The following CLSTN2 variants were observed in gnomAD, a reference collection of about 807,000 sequenced individuals.
CLSTN2 encodes the protein calsyntenin 2, also known as calsyntenin-2.
CLSTN2 carries 48 observed loss-of-function variants against 101.2 expected under a neutral mutation model. That is an observed-to-expected ratio of 0.47 (90% CI 0.38 to 0.60). The LOEUF is 0.60. Ranked by LOEUF, CLSTN2 falls within the 20% of genes least tolerant of loss-of-function variation. The probability of loss-of-function intolerance (pLI) is 0.00; values close to 1 mark genes in which losing one functional copy is unlikely to be tolerated. For missense variants in CLSTN2, 1,160 were observed against 1,238.2 expected (o/e 0.94, Z 0.95); for synonymous variants, 481 against 463.6 (o/e 1.04, Z -0.48).
intron 5 of CLSTN2, among the ~76,000 whole-genome samples, chr3:140,442,115 TTGACATCTGGGGGCCTTAC>T (rs1932931484): frequency 6.6e-6 from 1 of 152,172 alleles, no homozygotes. Flanking sequence ...TTCTGATGTT[TTGACATCTGGGGGCCTTAC>T]TGACCCTGGA....
chr3:140,534,503 C>A (rs1158044558), intron 9 of CLSTN2, among the ~76,000 whole-genome samples: 1 of 152,208 alleles, frequency 6.6e-6, no homozygotes, highest in Non-Finnish European at 1.5e-5. Flanking sequence ...ACTGCAATGA[C>A]AACAAGCCCC....
chr3:140,081,653 C>T (rs985981712), intron 1 of CLSTN2, among the ~76,000 whole-genome samples: 4 of 149,944 alleles, frequency 2.7e-5, no homozygotes, highest in African/African-American at 9.8e-5. Context: ...TCAATTCTCT[C>T]CTTCCCCTTC....
chr3:140,502,729 C>G (rs918515485), intron 8 of CLSTN2, among the ~76,000 whole-genome samples: 12 of 152,194 alleles, frequency 7.9e-5, no homozygotes, highest in African/African-American at 2.9e-4. Context: ...GGAGATGAGA[C>G]AGCAGAGCAG....
intron 2 of CLSTN2, among the ~76,000 whole-genome samples, chr3:140,382,847 C>A (rs2088001890): frequency 6.6e-6 from 1 of 151,720 alleles, no homozygotes; most frequent in Non-Finnish European, 1.5e-5. Flanking sequence ...GGGCACTGAT[C>A]CCATTCTTCA....
chr3:140,555,870 G>A (rs1935781400), intron 10 of CLSTN2, among the ~76,000 whole-genome samples: 1 of 152,140 alleles, frequency 6.6e-6, no homozygotes, highest in Non-Finnish European at 1.5e-5. Context: ...TTTGGCAAGT[G>A]TGGGATACCA....
intron 4 of CLSTN2, among the ~76,000 whole-genome samples, chr3:140,414,012 C>T (rs1429365586): frequency 1.3e-5 from 2 of 152,052 alleles, no homozygotes; most frequent in Non-Finnish European, 2.9e-5. Context: ...TCACTCTTGA[C>T]ACTTTTATTC....
chr3:140,140,587 G>A (rs1454447544), intron 1 of CLSTN2, among the ~76,000 whole-genome samples: 5 of 152,144 alleles, frequency 3.3e-5, no homozygotes, highest in Non-Finnish European at 5.9e-5. Context: ...ATTTCAACAC[G>A]AGACCTGGAG....
intron 2 of CLSTN2, among the ~76,000 whole-genome samples, chr3:140,224,683 A>G (rs1158862512): frequency 2.0e-5 from 3 of 152,310 alleles, no homozygotes; most frequent in Non-Finnish European, 2.9e-5. Context: ...CTTACATAAT[A>G]ATATAGACCT....
intron 2 of CLSTN2, among the ~76,000 whole-genome samples, chr3:140,392,533 T>A (rs1400770916): frequency 2.0e-5 from 3 of 152,120 alleles, no homozygotes; most frequent in Non-Finnish European, 4.4e-5. Context: ...GTTATTAAAT[T>A]TAAATTTTTT....
At chr3:140,330,584 C>T (rs570195448) in intron 2 of CLSTN2, among the ~76,000 whole-genome samples, 1 of 152,224 alleles carries the variant, frequency 6.6e-6, no homozygotes, top group South Asian at 2.1e-4. Flanking sequence ...AGGTCACCTC[C>T]CAAGTAAATT....
chr3:140,252,534 G>A (rs1018373144), intron 2 of CLSTN2, among the ~76,000 whole-genome samples: 1 of 152,146 alleles, frequency 6.6e-6, no homozygotes, highest in African/African-American at 2.4e-5. Context: ...CAGCCAGAAA[G>A]GTAAAGTGAA....
intron 2 of CLSTN2, among the ~76,000 whole-genome samples, chr3:140,327,870 T>C (rs1470800705): frequency 6.6e-6 from 1 of 152,218 alleles, no homozygotes; most frequent in African/African-American, 2.4e-5. Flanking sequence ...TACTTAGCGA[T>C]AGGTACATTT....
At chr3:140,119,018 C>T (rs1156824426) in intron 1 of CLSTN2, among the ~76,000 whole-genome samples, 5 of 152,088 alleles carry the variant, frequency 3.3e-5, no homozygotes, top group Admixed American at 6.6e-5. Flanking sequence ...AGGTGGGATC[C>T]AAGGAGGACA....
intron 1 of CLSTN2, among the ~76,000 whole-genome samples, chr3:140,104,067 G>T (rs2009012358): frequency 1.3e-5 from 2 of 152,182 alleles, no homozygotes; most frequent in South Asian, 4.1e-4. Flanking sequence ...GGTAAATTTA[G>T]CTGGAATGGA....
chr3:140,172,978 T>C (rs1324876253), intron 1 of CLSTN2, among the ~76,000 whole-genome samples: 1 of 152,168 alleles, frequency 6.6e-6, no homozygotes, highest in African/African-American at 2.4e-5. Context: ...CCCTAGCCCC[T>C]GCCAAATCTC....
chr3:140,213,884 AC>A (rs2010888776), intron 2 of CLSTN2, among the ~76,000 whole-genome samples: 1 of 152,142 alleles, frequency 6.6e-6, no homozygotes, highest in African/African-American at 2.4e-5. Context: ...ACCCAAGCTG[AC>A]TGAAGTAGAA....
chr3:139,961,730 T>C (rs901531613), intron 1 of CLSTN2, among the ~76,000 whole-genome samples: 1 of 152,180 alleles, frequency 6.6e-6, no homozygotes, highest in Non-Finnish European at 1.5e-5. Context: ...ATTTATTTTA[T>C]AATAAAATAT....
chr3:140,096,605 G>C (rs2008873335), intron 1 of CLSTN2, among the ~76,000 whole-genome samples: 1 of 152,166 alleles, frequency 6.6e-6, no homozygotes, highest in Non-Finnish European at 1.5e-5. Context: ...CATGAACCAG[G>C]ACCACATCAG....
intron 2 of CLSTN2, among the ~76,000 whole-genome samples, chr3:140,313,791 A>T (rs2087198337): frequency 6.6e-6 from 1 of 152,188 alleles, no homozygotes; most frequent in Non-Finnish European, 1.5e-5. Context: ...CTGATCTCCA[A>T]ATCATAGCAA....
Sources: allele counts gnomAD v4.1 joint callset (sites outside exome capture counted in the v4.1 genomes callset), GRCh38; gene constraint gnomAD v4.1.1; transcripts MANE v1.5; gene names NCBI Gene and HGNC (gene_info 2026-07-23, HGNC 2026-07-21).